The following CDK14 variants were observed in gnomAD, a reference collection of about 807,000 sequenced individuals.
The protein encoded by CDK14 is cyclin-dependent kinase 14.
In CDK14, 34 loss-of-function variants were observed where a neutral mutation model predicts 60.7. The observed-to-expected ratio is 0.56, with a 90% CI of 0.43 to 0.75. The LOEUF is 0.75. Ranked by LOEUF, CDK14 falls within the 30% of genes least tolerant of loss-of-function variation. The pLI is 0.00. For missense variants in CDK14, 482 were observed against 564.1 expected (o/e 0.85, Z 1.47); for synonymous variants, 197 against 203.7 (o/e 0.97, Z 0.28).
At chr7:91,028,877 T>A (rs1223526393) in intron 10 of CDK14, among the ~76,000 whole-genome samples, 1 of 152,202 alleles carries the variant, frequency 6.6e-6, no homozygotes, top group Non-Finnish European at 1.5e-5. Context: ...TATGACTATT[T>A]TCTCCCATTC....
At chr7:91,003,101 T>TC (rs1161725145) in intron 10 of CDK14, among the ~76,000 whole-genome samples, 1 of 152,140 alleles carries the variant, frequency 6.6e-6, no homozygotes, top group Non-Finnish European at 1.5e-5. Context: ...ATGCAATCTA[T>TC]CTAAGTCATA....
At chr7:91,146,992 A>G (rs1331165154) in intron 14 of CDK14, among the ~76,000 whole-genome samples, 1 of 152,092 alleles carries the variant, frequency 6.6e-6, no homozygotes, top group African/African-American at 2.4e-5. Flanking sequence ...GGATGTCGTA[A>G]TCAAACTCAC....
chr7:90,624,853 C>CGGTT (rs1250669442), intron 2 of CDK14, among the ~76,000 whole-genome samples: 5 of 152,244 alleles, frequency 3.3e-5, no homozygotes, highest in African/African-American at 1.2e-4. Context: ...ATGCTGGAAC[C>CGGTT]AGCTGCTTGG....
intron 2 of CDK14, among the ~76,000 whole-genome samples, chr7:90,628,857 C>G (rs1039062078): frequency 2.0e-5 from 3 of 150,318 alleles, no homozygotes; most frequent in East Asian, 2.0e-4. Flanking sequence ...GAGAGAGAGA[C>G]AGAGAGAGAG....
At position 90,978,005 on chromosome 7, in the gene CDK14, C is replaced by T. The variant is rs114005189; in HGVS notation, c.948-6143C>T. ...ATAGGGTGAGACACTGGGGCTGGGG[C>T]TGTAAGGAGGAACTGCCTTATAGGT... On this transcript the variant is annotated intron_variant, in intron 9 of 14. Coordinates refer to ENST00000380050, the MANE Select transcript of CDK14 (RefSeq NM_001287135.2). Among the ~76,000 whole-genome samples the T allele has an allele frequency of 6.7e-3, 1,026 of 152,172 alleles. 17 individuals carry two copies. The highest frequency in any genetic ancestry group is 0.023 in the African/African-American group (972 of 41,518).
intron 10 of CDK14, among the ~76,000 whole-genome samples, chr7:91,003,820 A>T (rs573333752): frequency 6.6e-6 from 1 of 152,312 alleles, no homozygotes; most frequent in Admixed American, 6.5e-5. Context: ...TTGATTGTTT[A>T]TTGGAGAAAA....
chr7:91,159,970 T>A (rs938449026), intron 14 of CDK14, among the ~76,000 whole-genome samples: 1 of 152,172 alleles, frequency 6.6e-6, no homozygotes, highest in African/African-American at 2.4e-5. Flanking sequence ...TTTCAATGCA[T>A]GAGTGTGATG....
chr7:90,814,993 A>C (rs1372113201), intron 5 of CDK14, among the ~76,000 whole-genome samples: 1 of 152,124 alleles, frequency 6.6e-6, no homozygotes, highest in African/African-American at 2.4e-5. Flanking sequence ...TCTTCCCTGA[A>C]ATCTTTCTGG....
chr7:90,604,283 A>G, intron 2 of CDK14, 34 bp downstream of exon 2: 3 of 1,384,036 alleles, frequency 2.2e-6, no homozygotes, highest in Non-Finnish European at 2.0e-6. Flanking sequence ...TGTTAGATGT[A>G]TTTAATGACT....
intron 5 of CDK14, among the ~76,000 whole-genome samples, chr7:90,809,884 T>C (rs893185442): frequency 1.3e-5 from 2 of 152,110 alleles, no homozygotes; most frequent in African/African-American, 2.4e-5. Flanking sequence ...AATGGATAAA[T>C]TCCTGGACAC....
At chr7:90,897,609 G>A (rs567669898) in intron 6 of CDK14, among the ~76,000 whole-genome samples, 6 of 151,934 alleles carry the variant, frequency 3.9e-5, no homozygotes, top group African/African-American at 9.6e-5. Flanking sequence ...TTTATTTGTC[G>A]TTCTCTGAGG....
intron 12 of CDK14, among the ~76,000 whole-genome samples, chr7:91,097,268 C>G (rs1382431261): frequency 6.6e-6 from 1 of 151,858 alleles, no homozygotes; most frequent in African/African-American, 2.4e-5. Context: ...GTAATCCCAG[C>G]TACTTGGAAG....
chr7:90,921,387 C>T (rs1342068013), intron 8 of CDK14, among the ~76,000 whole-genome samples: 1 of 152,124 alleles, frequency 6.6e-6, no homozygotes, highest in Non-Finnish European at 1.5e-5. Flanking sequence ...TAGAATCTTT[C>T]CCATTATTAT....
At chr7:91,046,620 G>T (rs1156828001) in intron 11 of CDK14, among the ~76,000 whole-genome samples, 2 of 151,954 alleles carry the variant, frequency 1.3e-5, no homozygotes, top group African/African-American at 4.8e-5. Flanking sequence ...AGAAGGGAAA[G>T]GTTTGGAATT....
At chr7:91,055,611 T>C (rs1214459487) in intron 11 of CDK14, among the ~76,000 whole-genome samples, 2 of 152,224 alleles carry the variant, frequency 1.3e-5, no homozygotes, top group African/African-American at 4.8e-5. Context: ...TTGGGAGTTA[T>C]TCACACCTCA....
At chr7:90,717,195 A>G (rs1802279281) in intron 2 of CDK14, among the ~76,000 whole-genome samples, 2 of 152,112 alleles carry the variant, frequency 1.3e-5, no homozygotes, top group Admixed American at 1.3e-4. Context: ...GAAGAAGTAT[A>G]GAAGTCAGGA....
chr7:90,826,228 A>T (rs1018533184), intron 5 of CDK14, among the ~76,000 whole-genome samples: 4 of 152,032 alleles, frequency 2.6e-5, no homozygotes, highest in Admixed American at 2.6e-4. Context: ...ATATTTATTT[A>T]TTTTTTTGAG....
chr7:90,825,783 C>T (rs1267773246), intron 5 of CDK14, among the ~76,000 whole-genome samples: 1 of 152,116 alleles, frequency 6.6e-6, no homozygotes, highest in East Asian at 1.9e-4. Context: ...CTAATTCTGA[C>T]CAACAATTTC....
At chr7:90,918,496 C>T (rs1373264074) in intron 8 of CDK14, among the ~76,000 whole-genome samples, 5 of 152,212 alleles carry the variant, frequency 3.3e-5, no homozygotes, top group Non-Finnish European at 7.3e-5. Flanking sequence ...TTCTCTTGAT[C>T]AAGGTTGACG....
Sources: allele counts gnomAD v4.1 joint callset (sites outside exome capture counted in the v4.1 genomes callset), GRCh38; gene constraint gnomAD v4.1.1; transcripts MANE v1.5; gene names NCBI Gene and HGNC (gene_info 2026-07-23, HGNC 2026-07-21).